PLEKHA5: variants seen among roughly 807,000 people sequenced by gnomAD.
The protein encoded by PLEKHA5 is pleckstrin homology domain-containing family A member 5.
A neutral mutation model predicts 181.9 loss-of-function variants in PLEKHA5; 55 were observed. That is an observed-to-expected ratio of 0.30 (90% CI 0.24 to 0.38). PLEKHA5 has a LOEUF of 0.38. Among genes scored for constraint, PLEKHA5 ranks in the 10% least tolerant of loss-of-function variants. The pLI, the probability that PLEKHA5 is intolerant of heterozygous loss-of-function variation, is 1.00. For missense variants in PLEKHA5, 1,432 were observed against 1,549.5 expected (o/e 0.92, Z 1.27); for synonymous variants, 535 against 529.4 (o/e 1.01, Z -0.15).
chr12:19,185,168 G>C (rs780589459), intron 3 of PLEKHA5, among the ~76,000 whole-genome samples: 1 of 151,604 alleles, frequency 6.6e-6, no homozygotes, highest in Non-Finnish European at 1.5e-5. Context: ...CTGTGATACA[G>C]AGATGGCGTA....
chr12:19,132,740 C>T (rs1178696917), intron 3 of PLEKHA5, among the ~76,000 whole-genome samples: 4 of 144,760 alleles, frequency 2.8e-5, no homozygotes, highest in Admixed American at 2.1e-4. Flanking sequence ...CTTTTGGAAT[C>T]GTCCAGCTTC....
chr12:19,339,221 A>G (rs1303521978), intron 21 of PLEKHA5, among the ~76,000 whole-genome samples: 1 of 151,892 alleles, frequency 6.6e-6, no homozygotes, highest in African/African-American at 2.4e-5. Context: ...TTGTATTTTT[A>G]GTAGAGACAA....
At chr12:19,261,264 T>A (rs372139183) in intron 7 of PLEKHA5, among the ~76,000 whole-genome samples, 11 of 152,188 alleles carry the variant, frequency 7.2e-5, no homozygotes, top group African/African-American at 2.4e-4. Context: ...CTTTGCTCTA[T>A]AATGCTACTC....
At chr12:19,329,620 T>C (rs1168209633) in intron 20 of PLEKHA5, among the ~76,000 whole-genome samples, 1 of 152,192 alleles carries the variant, frequency 6.6e-6, no homozygotes, top group Non-Finnish European at 1.5e-5. Context: ...TTTGTGTGCA[T>C]AGTGGTGTTC....
intron 11 of PLEKHA5, among the ~76,000 whole-genome samples, chr12:19,280,836 G>A (rs553876959): frequency 2.8e-4 from 42 of 150,164 alleles, no homozygotes; most frequent in African/African-American, 9.8e-4. Context: ...TCAGCCTCCC[G>A]AGTAGCTGGA....
At chr12:19,219,511 C>A (rs2058589805) in intron 3 of PLEKHA5, among the ~76,000 whole-genome samples, 1 of 59,992 alleles carries the variant, frequency 1.7e-5, no homozygotes, top group African/African-American at 4.2e-5. Context: ...CTCCTGTTTC[C>A]CTTCTTTTTT....
intron 7 of PLEKHA5, among the ~76,000 whole-genome samples, chr12:19,265,327 A>G (rs1220890652): frequency 6.6e-6 from 1 of 152,164 alleles, no homozygotes; most frequent in Non-Finnish European, 1.5e-5. Context: ...CTCGAAGGAG[A>G]ACAGAGAAAA....
intron 3 of PLEKHA5, among the ~76,000 whole-genome samples, chr12:19,134,613 A>G (rs1252060237): frequency 2.0e-5 from 3 of 152,174 alleles, no homozygotes; most frequent in Non-Finnish European, 4.4e-5. Flanking sequence ...GTAATTTCCT[A>G]GAAACTTTTT....
At chr12:19,282,248 G>T (rs1271413320) in intron 11 of PLEKHA5, among the ~76,000 whole-genome samples, 1 of 151,992 alleles carries the variant, frequency 6.6e-6, no homozygotes, top group Non-Finnish European at 1.5e-5. Flanking sequence ...TTTTTAGATT[G>T]CTTTAAGAAG....
chr12:19,146,159 A>G (rs2038864281), intron 3 of PLEKHA5, among the ~76,000 whole-genome samples: 1 of 152,202 alleles, frequency 6.6e-6, no homozygotes, highest in Non-Finnish European at 1.5e-5. Flanking sequence ...GCTTTCTTCC[A>G]AAAAGTCTTA....
intron 20 of PLEKHA5, among the ~76,000 whole-genome samples, chr12:19,330,052 A>G (rs961786880): frequency 6.6e-6 from 1 of 152,236 alleles, no homozygotes; most frequent in Non-Finnish European, 1.5e-5. Context: ...CCCTGTTTCA[A>G]AAAACAAAAC....
intron 25 of PLEKHA5, among the ~76,000 whole-genome samples, chr12:19,353,681 A>G (rs2094737930): frequency 6.6e-6 from 1 of 150,658 alleles, no homozygotes; most frequent in Admixed American, 6.6e-5. Flanking sequence ...CTGGTCTCAA[A>G]CTCCTGACCT....
intron 31 of PLEKHA5, among the ~76,000 whole-genome samples, chr12:19,374,271 T>C (rs2095657714): frequency 6.6e-6 from 1 of 151,662 alleles, no homozygotes; most frequent in South Asian, 2.1e-4. Context: ...CAAGATTTAA[T>C]AGAGTGAAAA....
chr12:19,369,258 C>T (rs2095515651), intron 30 of PLEKHA5, among the ~76,000 whole-genome samples: 1 of 151,548 alleles, frequency 6.6e-6, no homozygotes, highest in Admixed American at 6.6e-5. Context: ...TGGTCTCGAA[C>T]TCCTGACCTC....
chr12:19,167,310 G>A (rs188434242), intron 3 of PLEKHA5, among the ~76,000 whole-genome samples: 3 of 151,462 alleles, frequency 2.0e-5, no homozygotes, highest in African/African-American at 7.3e-5. Flanking sequence ...AGATGCAATC[G>A]CTTGTTTGAT....
intron 30 of PLEKHA5, among the ~76,000 whole-genome samples, chr12:19,367,463 C>T (rs1388898779): frequency 4.0e-5 from 6 of 151,384 alleles, no homozygotes; most frequent in Admixed American, 4.0e-4. Flanking sequence ...CCATGTTGGC[C>T]AGGCTGGTCT....
chr12:19,222,133 G>T (rs902856464), intron 3 of PLEKHA5, among the ~76,000 whole-genome samples: 31 of 152,002 alleles, frequency 2.0e-4, no homozygotes, highest in African/African-American at 6.8e-4. Flanking sequence ...GTATATATAT[G>T]TATATTTATG....
intron 3 of PLEKHA5, among the ~76,000 whole-genome samples, chr12:19,250,967 A>G (rs1381403398): frequency 6.6e-6 from 1 of 152,214 alleles, no homozygotes; most frequent in Non-Finnish European, 1.5e-5. Context: ...AAAGATAGGA[A>G]CCGAATAAAA....
chr12:19,244,243 A>G (rs2063214763), intron 3 of PLEKHA5, among the ~76,000 whole-genome samples: 1 of 151,616 alleles, frequency 6.6e-6, no homozygotes, highest in African/African-American at 2.4e-5. Context: ...CAAGCTAGAG[A>G]GTATAATTGT....
Sources: allele counts gnomAD v4.1 joint callset (sites outside exome capture counted in the v4.1 genomes callset), GRCh38; gene constraint gnomAD v4.1.1; transcripts MANE v1.5; gene names NCBI Gene and HGNC (gene_info 2026-07-23, HGNC 2026-07-21).